Variants in EYS observed in about 807,000 individuals in gnomAD.
EYS encodes EGF-like photoreceptor maintenance factor.
EYS carries 250 observed loss-of-function variants against 282.1 expected under a neutral mutation model. The observed-to-expected ratio is 0.89, with a 90% CI of 0.80 to 0.98. The LOEUF is 0.98. EYS is among the 50% of genes least tolerant of loss of function. The probability of loss-of-function intolerance (pLI) is 0.00; values close to 1 mark genes in which losing one functional copy is unlikely to be tolerated. For synonymous variants in EYS, 1,355 were observed against 1,282.9 expected, an observed-to-expected ratio of 1.06 and a Z score of -1.20; for missense variants, 4,016 against 3,709.0, an observed-to-expected ratio of 1.08 and a Z score of -2.15.
In EYS at chr6:64,285,657, C is replaced by G. The variant is rs12209432; in HGVS notation, c.6191+21313G>C. Among the ~76,000 whole-genome samples the G allele has an allele frequency of 4.7e-3, 721 of 152,268 alleles. 3 individuals are homozygous for G. The highest frequency in any genetic ancestry group is 8.5e-3 in the Non-Finnish European group (581 of 68,018). The stretch of plus-strand genomic sequence containing the variant: ...TTTTCACACTATTAATAAAAACATA[C>G]CTGATACTGGGAAGAAAAAGAGGTT... On this transcript the variant is annotated intron_variant, in intron 30 of 42. Transcript: ENST00000503581.
intron 22 of EYS, among the ~76,000 whole-genome samples, chr6:64,798,771 A>G (rs1434796462): frequency 6.6e-6 from 1 of 151,806 alleles, no homozygotes; most frequent in Admixed American, 6.6e-5. Flanking sequence ...TATTGCATAA[A>G]TGCTCAGGAT....
intron 40 of EYS, among the ~76,000 whole-genome samples, chr6:63,764,882 A>T (rs1460682128): frequency 6.6e-6 from 1 of 151,864 alleles, no homozygotes; most frequent in Admixed American, 6.6e-5. Context: ...GCAAGGTCAG[A>T]TTTTTCTTTT....
intron 5 of EYS, among the ~76,000 whole-genome samples, chr6:65,468,498 T>G (rs111687296): frequency 0.016 from 2,478 of 152,092 alleles, 27 homozygotes; most frequent in East Asian, 0.024. Flanking sequence ...TATTTATTTA[T>G]TTAGTTAGTT....
intron 19 of EYS, among the ~76,000 whole-genome samples, chr6:64,882,278 G>A (rs1453294303): frequency 6.6e-6 from 1 of 151,712 alleles, no homozygotes; most frequent in South Asian, 2.1e-4. Flanking sequence ...ATTTTGTCTT[G>A]AAAAAGTCAC....
intron 14 of EYS, among the ~76,000 whole-genome samples, chr6:64,985,247 T>C (rs1770817428): frequency 6.6e-6 from 1 of 151,520 alleles, no homozygotes; most frequent in Non-Finnish European, 1.5e-5. Context: ...ATGACTTTGC[T>C]TAGGGCTGTA....
intron 12 of EYS, among the ~76,000 whole-genome samples, chr6:65,123,166 G>T (rs2150197247): frequency 6.6e-6 from 1 of 152,176 alleles, no homozygotes; most frequent in South Asian, 2.1e-4. Context: ...TGGGGAAAAA[G>T]TGAATGTACA....
intron 7 of EYS, among the ~76,000 whole-genome samples, chr6:65,390,434 G>A (rs1341464729): frequency 1.3e-5 from 2 of 151,604 alleles, no homozygotes; most frequent in Non-Finnish European, 2.9e-5. Flanking sequence ...AAGGAGAAGG[G>A]AAAAAATGGT....
chr6:65,427,526 TA>T (rs1292680245), intron 5 of EYS, among the ~76,000 whole-genome samples: 6 of 152,058 alleles, frequency 3.9e-5, no homozygotes, highest in African/African-American at 7.2e-5. Context: ...ACACATATTT[TA>T]AAAATAAATA....
chr6:64,376,291 C>T (rs916428424), intron 29 of EYS, among the ~76,000 whole-genome samples: 1 of 152,004 alleles, frequency 6.6e-6, no homozygotes, highest in Non-Finnish European at 1.5e-5. Context: ...TTCCTGGGGG[C>T]AATTAGAGAT....
In EYS at chr6:63,908,612, G is replaced by A. The variant is rs536073827; in HGVS notation, c.7056-44254C>T. Among the ~76,000 whole-genome samples the A allele has an allele frequency of 2.6e-4, 39 of 151,780 alleles. 1 individual carries two copies. In the South Asian group the frequency reaches 8.1e-3, roughly 32 times the overall value. ...ATTACAGGCACCCACCACCACGCTC[G>A]GCTAATTTTTGTAATTTTAGTAGAG... On this transcript the variant is annotated intron_variant, in intron 35 of 42. Coordinates refer to ENST00000503581, the MANE Select transcript of EYS (RefSeq NM_001142800.2).
intron 12 of EYS, among the ~76,000 whole-genome samples, chr6:65,253,275 G>T (rs575237176): frequency 3.9e-5 from 6 of 151,922 alleles, no homozygotes; most frequent in Non-Finnish European, 7.4e-5. Flanking sequence ...ATTCCAATCT[G>T]CCAGAAAGGC....
intron 24 of EYS, among the ~76,000 whole-genome samples, chr6:64,616,333 A>T (rs1170544305): frequency 6.6e-6 from 1 of 152,096 alleles, no homozygotes; most frequent in East Asian, 1.9e-4. Context: ...TTCTCCAAAG[A>T]TCTATCGCTT....
At chr6:64,232,038 C>T (rs559090196) in intron 30 of EYS, among the ~76,000 whole-genome samples, 1 of 152,196 alleles carries the variant, frequency 6.6e-6, no homozygotes, top group African/African-American at 2.4e-5. Context: ...ATCTACTACG[C>T]ACGTTAATGT....
chr6:64,934,176 CTG>C (rs1768826349), intron 15 of EYS, among the ~76,000 whole-genome samples: 2 of 150,396 alleles, frequency 1.3e-5, no homozygotes, highest in African/African-American at 2.4e-5. Flanking sequence ...TAATTACTAA[CTG>C]AGCAAAACAA....
chr6:64,321,078 T>A (rs1196523210), intron 29 of EYS, among the ~76,000 whole-genome samples: 1 of 151,814 alleles, frequency 6.6e-6, no homozygotes, highest in African/African-American at 2.4e-5. Flanking sequence ...TTCTAAGTAA[T>A]ATGTTCATAT....
At chr6:65,026,110 AT>A (rs1359755606) in intron 13 of EYS, among the ~76,000 whole-genome samples, 1 of 152,170 alleles carries the variant, frequency 6.6e-6, no homozygotes, top group Non-Finnish European at 1.5e-5. Flanking sequence ...TCTCTTACAG[AT>A]TGAAAAAGAC....
intron 28 of EYS, among the ~76,000 whole-genome samples, chr6:64,408,126 G>A (rs561247670): frequency 1.3e-5 from 2 of 152,104 alleles, no homozygotes; most frequent in African/African-American, 4.8e-5. Flanking sequence ...AACCTTTGGA[G>A]AAGGAATGGT....
intron 13 of EYS, among the ~76,000 whole-genome samples, chr6:64,998,203 G>A (rs551542773): frequency 3.9e-5 from 6 of 152,214 alleles, no homozygotes; most frequent in African/African-American, 7.2e-5. Context: ...GAGCTTTCAC[G>A]TTTCATCAAA....
At chr6:65,297,703 T>A (rs1363634781) in intron 11 of EYS, among the ~76,000 whole-genome samples, 1 of 152,028 alleles carries the variant, frequency 6.6e-6, no homozygotes, top group Non-Finnish European at 1.5e-5. Flanking sequence ...TGTTACCTAC[T>A]ATATCAAACA....
Sources: allele counts gnomAD v4.1 joint callset (sites outside exome capture counted in the v4.1 genomes callset), GRCh38; gene constraint gnomAD v4.1.1; transcripts MANE v1.5; gene names NCBI Gene and HGNC (gene_info 2026-07-23, HGNC 2026-07-21).